Variants in PALLD observed in about 807,000 individuals in gnomAD.
PALLD encodes the protein palladin, cytoskeletal associated protein.
PALLD carries 61 observed loss-of-function variants against 123.5 expected under a neutral mutation model. The ratio of observed to expected loss-of-function variants is 0.49; its 90% confidence interval spans 0.40 to 0.61. PALLD has a LOEUF of 0.61. Ranked by LOEUF, PALLD falls within the 20% of genes least tolerant of loss-of-function variation. The probability of loss-of-function intolerance (pLI) is 0.00; values close to 1 mark genes in which losing one functional copy is unlikely to be tolerated. For missense variants in PALLD, 1,273 were observed against 1,377.0 expected (o/e 0.92, Z 1.20); for synonymous variants, 465 against 496.4 (o/e 0.94, Z 0.84).
intron 2 of PALLD, among the ~76,000 whole-genome samples, chr4:168,541,820 T>C (rs932945185): frequency 6.6e-6 from 1 of 152,136 alleles, no homozygotes; most frequent in African/African-American, 2.4e-5. Flanking sequence ...CCCAATTATA[T>C]GTTGCAAAAA....
chr4:168,914,340 A>C (rs1356904048), intron 16 of PALLD, among the ~76,000 whole-genome samples: 2 of 152,250 alleles, frequency 1.3e-5, no homozygotes, highest in East Asian at 3.8e-4. Flanking sequence ...AATGGTACAC[A>C]AATGTTGGAA....
intron 3 of PALLD, among the ~76,000 whole-genome samples, chr4:168,676,768 A>G (rs1160065886): frequency 6.7e-6 from 1 of 150,154 alleles, no homozygotes; most frequent in East Asian, 1.9e-4. Context: ...TTTAGTAGAG[A>G]TGGGGTTTCA....
At chr4:168,631,521 C>A in intron 2 of PALLD, 1 of 718,088 alleles carries the variant, frequency 1.4e-6, no homozygotes, top group Non-Finnish European at 1.7e-6. Flanking sequence ...TGGAGTTTAG[C>A]AGCATTCCTC....
intron 2 of PALLD, among the ~76,000 whole-genome samples, chr4:168,605,283 A>C (rs1285425236): frequency 6.6e-6 from 1 of 151,782 alleles, no homozygotes; most frequent in Non-Finnish European, 1.5e-5. Context: ...CCTAGACCCC[A>C]CCCTGGACCA....
chr4:168,720,567 G>A (rs1317705811), intron 10 of PALLD, among the ~76,000 whole-genome samples: 2 of 152,192 alleles, frequency 1.3e-5, no homozygotes, highest in African/African-American at 4.8e-5. Flanking sequence ...AAGGAACATA[G>A]GAGTAGTCAC....
At chr4:168,619,689 G>A (rs1228959521) in intron 2 of PALLD, among the ~76,000 whole-genome samples, 1 of 152,212 alleles carries the variant, frequency 6.6e-6, no homozygotes. Context: ...AGTGATGGGG[G>A]AGTCTGTACT....
intron 2 of PALLD, among the ~76,000 whole-genome samples, chr4:168,539,545 G>A (rs1254358802): frequency 3.3e-5 from 5 of 151,354 alleles, no homozygotes; most frequent in Non-Finnish European, 5.9e-5. Context: ...CCGAGATGGC[G>A]CCACTGACTG....
At chr4:168,881,144 A>G (rs1046996957) in intron 10 of PALLD, among the ~76,000 whole-genome samples, 1 of 152,120 alleles carries the variant, frequency 6.6e-6, no homozygotes, top group East Asian at 1.9e-4. Context: ...ACCTCAGGTG[A>G]TCCGCCTGCC....
chr4:168,828,774 C>T (rs1163247695), intron 10 of PALLD: 1 of 152,228 alleles, frequency 6.6e-6, no homozygotes, highest in Non-Finnish European at 1.5e-5. Flanking sequence ...GGCCTCTGAG[C>T]CAAAGCCTGT....
intron 10 of PALLD, among the ~76,000 whole-genome samples, chr4:168,848,482 T>C (rs1236389189): frequency 6.6e-6 from 1 of 150,726 alleles, no homozygotes; most frequent in South Asian, 2.1e-4. Flanking sequence ...CTGTGTTTTT[T>C]CTCCTAAAAG....
At chr4:168,545,018 C>A (rs974056022) in intron 2 of PALLD, among the ~76,000 whole-genome samples, 3 of 152,174 alleles carry the variant, frequency 2.0e-5, no homozygotes, top group Admixed American at 1.3e-4. Flanking sequence ...GATCCAGCAA[C>A]TTCAATCCTT....
intron 10 of PALLD, among the ~76,000 whole-genome samples, chr4:168,836,160 G>T (rs1259179951): frequency 6.6e-6 from 1 of 152,210 alleles, no homozygotes; most frequent in African/African-American, 2.4e-5. Context: ...TGACTACGAG[G>T]AAACAAGATG....
intron 2 of PALLD, among the ~76,000 whole-genome samples, chr4:168,578,609 G>A (rs1769895458): frequency 6.6e-6 from 1 of 152,008 alleles, no homozygotes; most frequent in South Asian, 2.1e-4. Context: ...GTCTTTATTA[G>A]CAGCATGAGA....
intron 15 of PALLD, among the ~76,000 whole-genome samples, chr4:168,910,804 G>A (rs992885780): frequency 6.6e-6 from 1 of 152,272 alleles, no homozygotes; most frequent in African/African-American, 2.4e-5. Context: ...AATGCAATAC[G>A]AAGGTATTTA....
In PALLD at chr4:168,924,311, G is replaced by A; in HGVS notation, c.3115G>A (p.Ala1039Thr). The change falls in exon 19 of 22, where the codon GCT (alanine) becomes ACT (threonine). Residue 1039 changes from alanine to threonine, a missense_variant. Coordinates refer to ENST00000505667, the MANE Select transcript of PALLD (RefSeq NM_001166108.2). The part of the protein sequence containing the change: ...FIEKLQNTGV[A>T]DGYPVRLECR... Reference sequence around the variant, plus strand: ...TGAGAAGCTCCAAAACACAGGAGTTGCTGATGGGTACCCAGTGCGGCTGGA... The same window carrying A: ...TGAGAAGCTCCAAAACACAGGAGTTACTGATGGGTACCCAGTGCGGCTGGA... The A allele has an allele frequency of 6.2e-7, 1 of 1,614,002 alleles. No homozygotes were observed. The highest frequency in any genetic ancestry group is 8.5e-7 in the Non-Finnish European group (1 of 1,179,904).
chr4:168,799,425 C>G (rs1275144080), intron 10 of PALLD, among the ~76,000 whole-genome samples: 1 of 152,204 alleles, frequency 6.6e-6, no homozygotes, highest in African/African-American at 2.4e-5. Flanking sequence ...AACATCAAAA[C>G]ATTTCTAATG....
intron 9 of PALLD, among the ~76,000 whole-genome samples, chr4:168,711,108 A>G (rs1350130045): frequency 6.6e-6 from 1 of 152,198 alleles, no homozygotes; most frequent in Admixed American, 6.5e-5. Context: ...TTTTTATGAG[A>G]TTATGAAATT....
intron 2 of PALLD, among the ~76,000 whole-genome samples, chr4:168,621,470 G>A (rs979608972): frequency 6.6e-6 from 1 of 152,134 alleles, no homozygotes; most frequent in Non-Finnish European, 1.5e-5. Context: ...GAAAAAAGGT[G>A]CCCTGCTCCT....
rs1170032576 is a variant in PALLD, at chr4:168,711,900, A to G, written c.1941A>G (p.Pro647=). The G allele has an allele frequency of 6.2e-7, 1 of 1,613,866 alleles. No individual in the cohort carries two copies. The highest frequency in any genetic ancestry group is 8.5e-7 in the Non-Finnish European group (1 of 1,179,912). Residue 647 remains proline, a synonymous_variant, in exon 10 of 22, where the codon CCA becomes CCG. Coordinates refer to ENST00000505667, the MANE Select transcript of PALLD (RefSeq NM_001166108.2). ...AVLLSPTKEP[P]PLLAKPKLGF... is the part of the protein sequence containing the mutation. ...TGCTTTCACCCACTAAGGAGCCACCACCTCTGCTTGCCAAACCAAAACTGT... is the reference window on the plus strand; with the variant it reads ...TGCTTTCACCCACTAAGGAGCCACCGCCTCTGCTTGCCAAACCAAAACTGT...
Sources: gnomAD v4.1 joint callset for allele counts (sites outside exome capture counted in the v4.1 genomes callset) on GRCh38, gnomAD v4.1.1 for gene constraint, MANE v1.5 for transcripts, NCBI Gene and HGNC (gene_info 2026-07-23, HGNC 2026-07-21) for gene names.